The following RIN2 variants were observed in gnomAD, a reference collection of about 807,000 sequenced individuals.
RIN2 encodes Ras and Rab interactor 2.
A neutral mutation model predicts 78.0 loss-of-function variants in RIN2; 36 were observed. That is an observed-to-expected ratio of 0.46 (90% CI 0.35 to 0.61). The LOEUF is 0.61. Among genes scored for constraint, RIN2 ranks in the 20% least tolerant of loss-of-function variants. The pLI is 0.00. For synonymous variants in RIN2, 466 were observed against 466.8 expected (o/e 1.00, Z 0.02); for missense variants, 1,087 against 1,159.7 (o/e 0.94, Z 0.91).
chr20:19,819,595 G>A (rs529824959), intron 2 of RIN2, among the ~76,000 whole-genome samples: 1 of 152,178 alleles, frequency 6.6e-6, no homozygotes, highest in African/African-American at 2.4e-5. Flanking sequence ...GAGTGCAGTG[G>A]CACAATCACG....
At position 19,975,821 on chromosome 20, in the gene RIN2, T is replaced by C. The variant is rs561800156; in HGVS notation, c.1762+34T>C. On this transcript the variant is annotated intron_variant, in intron 9 of 12. Transcript: ENST00000255006. The surrounding 1 kb of genome is among the most constrained non-coding windows in gnomAD (Gnocchi z 4.9). ...CCTCTTTTTTAAAATATAAAATCTA[T>C]TGTAACTCTGTCCGGGCAGTGCAAC... The C allele has an allele frequency of 3.5e-5, 55 of 1,552,686 alleles. No individual in the cohort carries two copies. In the South Asian group the frequency reaches 5.6e-4, roughly 16 times the overall value.
chr20:19,909,546 G>A (rs1432519386), intron 3 of RIN2, among the ~76,000 whole-genome samples: 1 of 152,048 alleles, frequency 6.6e-6, no homozygotes, highest in Non-Finnish European at 1.5e-5. Context: ...TTGAGCCCCG[G>A]CACACACTCT....
chr20:19,988,203 T>C lies in RIN2; in HGVS notation c.1763-1803T>C, dbSNP rs2042680672. ...GCAGGATCTCGGCTCACTGCAAGCT[T>C]TGCCTCCAGGGTTCAAGAGATTCTC... On this transcript the variant is annotated intron_variant, in intron 9 of 12. Transcript: ENST00000255006. Among the ~76,000 whole-genome samples the C allele has an allele frequency of 2.0e-5, 3 of 152,134 alleles. No homozygotes were observed. In the South Asian group the frequency reaches 6.2e-4, roughly 32 times the overall value.
Position 19,889,327 on chromosome 20 carries a change from A to G in RIN2, c.-36-239A>G, listed in dbSNP as rs2038334907. 1.1e-5 allele frequency: 14 copies of G among 1,225,108 alleles called. No individual in the cohort carries two copies. In the South Asian group the frequency reaches 3.3e-4, roughly 29 times the overall value. The allele number at this position is 1,225,108 out of a possible 1,614,324, so 75.9% of individuals were successfully genotyped here. A position where few individuals can be genotyped will look rare whatever the true frequency, so the allele number is the denominator to read the frequency against. ...CATTAGGCTTCCTGAAGTCCCAAGGACCTTCTACGTCAGTGGCAGAGGTGG... is the reference window on the plus strand; with the variant it reads ...CATTAGGCTTCCTGAAGTCCCAAGGGCCTTCTACGTCAGTGGCAGAGGTGG... On this transcript the variant is annotated intron_variant, in intron 2 of 12. Transcript: ENST00000255006.
Position 19,974,841 on chromosome 20 carries a change from T to C in RIN2, c.816T>C (p.Ile272=). The C allele has an allele frequency of 6.2e-7, 1 of 1,613,946 alleles. No homozygotes were observed. The highest frequency in any genetic ancestry group is 1.1e-5 in the South Asian group (1 of 91,084). ...CSQTNGALCF[I]NPLFLKVHSQ... is the part of the protein sequence containing the mutation. ...AGACCAACGGGGCCCTGTGCTTTAT[T>C]AATCCCCTTTTCTTGAAAGTGCACA... The change falls in exon 9 of 13, where the codon ATT becomes ATC. Residue 272 remains isoleucine, a synonymous_variant. Transcript: ENST00000255006.
chr20:19,865,770 G>A (rs1174734709), intron 2 of RIN2, among the ~76,000 whole-genome samples: 4 of 151,986 alleles, frequency 2.6e-5, no homozygotes, highest in Non-Finnish European at 5.9e-5. Context: ...GGGATTACAA[G>A]CATGAGCCAC....
At chr20:19,970,238 G>A (rs1383932600) in intron 7 of RIN2, among the ~76,000 whole-genome samples, 2 of 152,252 alleles carry the variant, frequency 1.3e-5, no homozygotes, top group Non-Finnish European at 1.5e-5. Context: ...TGGAATCAGA[G>A]TGTGCAGTAT....
chr20:19,828,878 A>G (rs535340286), intron 2 of RIN2, among the ~76,000 whole-genome samples: 47 of 152,144 alleles, frequency 3.1e-4, no homozygotes, highest in African/African-American at 1.1e-3. Flanking sequence ...CCAACCGGCT[A>G]CGTCGTCTGA....
At chr20:19,974,599 A>G (rs958149938) in intron 8 of RIN2, 55 bp from the exon 9 acceptor site, 2 of 1,530,802 alleles carry the variant, frequency 1.3e-6, no homozygotes, top group African/African-American at 2.8e-5. Flanking sequence ...TTTGTGAAGG[A>G]ATGGTCTGAG....
intron 2 of RIN2, among the ~76,000 whole-genome samples, chr20:19,832,034 G>A (rs1568793451): frequency 6.6e-6 from 1 of 151,914 alleles, no homozygotes. Flanking sequence ...GTGTTCCAAG[G>A]GCTTCACCTA....
chr20:19,826,735 G>A (rs775607334), intron 2 of RIN2, among the ~76,000 whole-genome samples: 6 of 152,086 alleles, frequency 3.9e-5, no homozygotes, highest in Non-Finnish European at 7.4e-5. Context: ...GGACAGGCAC[G>A]GAGGGAATCT....
At chr20:19,869,844 G>C (rs2037634333) in intron 2 of RIN2, among the ~76,000 whole-genome samples, 1 of 123,890 alleles carries the variant, frequency 8.1e-6, no homozygotes, top group Non-Finnish European at 1.7e-5. Flanking sequence ...TGTAGAGAAG[G>C]GGGTTCGCTA....
chr20:19,995,148 A>G (rs1431786345), intron 11 of RIN2, among the ~76,000 whole-genome samples: 1 of 152,022 alleles, frequency 6.6e-6, no homozygotes, highest in East Asian at 1.9e-4. Context: ...AGGGTCTCAC[A>G]TGAATAAAGC....
In RIN2 at chr20:19,956,593, G is replaced by A. The variant is rs6035489; in HGVS notation, c.159-22G>A. The A allele has an allele frequency of 6.1e-4, 986 of 1,608,762 alleles. 6 individuals carry two copies. The African/African-American group carries it at 8.9e-3, about 15-fold the overall frequency. On this transcript the variant is annotated intron_variant, in intron 4 of 12. Coordinates refer to ENST00000255006, the MANE Select transcript of RIN2 (RefSeq NM_018993.4). ...GAAATGGTACTGCAGCCAGCTGACC[G>A]TGCCGCTTCTCTTTCTCCTAGCATG...
intron 1 of RIN2, among the ~76,000 whole-genome samples, chr20:19,798,436 G>T (rs1263233118): frequency 6.6e-6 from 1 of 152,000 alleles, no homozygotes; most frequent in Non-Finnish European, 1.5e-5. Flanking sequence ...TGGAGGGAAA[G>T]TCAGAGTCCA....
Position 19,865,790 on chromosome 20 carries a change from C to A in RIN2, c.-36-23776C>A, listed in dbSNP as rs535714299. 1.6e-4 allele frequency among the ~76,000 whole-genome samples: 25 copies of A among 152,112 alleles called. 1 individual carries two copies. The highest frequency in any genetic ancestry group is 5.8e-4 in the African/African-American group (24 of 41,500). ...TACAAGCATGAGCCACCATGCCTGACCAAAAGTTATACTTTACAAAAATAT... is the reference window on the plus strand; with the variant it reads ...TACAAGCATGAGCCACCATGCCTGAACAAAAGTTATACTTTACAAAAATAT... On this transcript the variant is annotated intron_variant, in intron 2 of 12. Transcript: ENST00000255006.
intron 3 of RIN2, among the ~76,000 whole-genome samples, chr20:19,912,192 G>T (rs1211705957): frequency 6.6e-6 from 1 of 152,218 alleles, no homozygotes; most frequent in African/African-American, 2.4e-5. Context: ...TCTCATCTGA[G>T]TCAAAATGCT....
intron 3 of RIN2, 65 bp downstream of exon 3, chr20:19,889,723 T>A: frequency 7.8e-7 from 1 of 1,275,238 alleles, no homozygotes; most frequent in Non-Finnish European, 1.1e-6. Context: ...GGAGCTGCGG[T>A]GCTCCATGGA....
At chr20:19,829,563 C>T (rs1357723706) in intron 2 of RIN2, among the ~76,000 whole-genome samples, 1 of 152,120 alleles carries the variant, frequency 6.6e-6, no homozygotes, top group Non-Finnish European at 1.5e-5. Context: ...TTCAAAAATC[C>T]ACTGTTGTGA....
Sources: gnomAD v4.1 joint callset for allele counts (sites outside exome capture counted in the v4.1 genomes callset) on GRCh38, gnomAD v4.1.1 for gene constraint, Gnocchi (gnomAD v3.1) non-coding constraint, MANE v1.5 for transcripts, NCBI Gene and HGNC (gene_info 2026-07-23, HGNC 2026-07-21) for gene names.